ARHGEF10L: variants seen among roughly 807,000 people sequenced by gnomAD.
ARHGEF10L encodes the protein Rho guanine nucleotide exchange factor 10 like.
Under a neutral mutation model 141.2 loss-of-function variants are expected in ARHGEF10L, and 69 were observed. The ratio of observed to expected loss-of-function variants is 0.49; its 90% confidence interval spans 0.40 to 0.60. The LOEUF is 0.60. Among genes scored for constraint, ARHGEF10L ranks in the 20% least tolerant of loss-of-function variants. The pLI, the probability that ARHGEF10L is intolerant of heterozygous loss-of-function variation, is 0.00. For missense variants in ARHGEF10L, 1,482 were observed against 1,734.3 expected (o/e 0.85, Z 2.58); for synonymous variants, 711 against 718.5 (o/e 0.99, Z 0.17).
chr1:17,581,919 C>T (rs2078605522), intron 2 of ARHGEF10L, among the ~76,000 whole-genome samples: 1 of 152,056 alleles, frequency 6.6e-6, no homozygotes, highest in Non-Finnish European at 1.5e-5. Context: ...GACCTGTCTT[C>T]CCTGTGGCAA....
At chr1:17,538,325 G>A (rs528925286), upstream of ARHGEF10L, among the ~76,000 whole-genome samples, 5 of 152,312 alleles carry the variant, frequency 3.3e-5, no homozygotes, top group East Asian at 7.7e-4. Context: ...CAGGGCAGGG[G>A]CCGTGCCTGT....
At chr1:17,523,318 G>A in the ARHGEF10L span, among the ~76,000 whole-genome samples, 1 of 151,896 alleles carries the variant, frequency 6.6e-6, no homozygotes, top group Non-Finnish European at 1.5e-5. Context: ...CGAACTCCTG[G>A]CCTCAAGTAA....
rs557950810 is a variant in ARHGEF10L at position 17,568,447 on chromosome 1, C to T, written c.-43-12106C>T. On this transcript the variant is annotated intron_variant, in intron 1 of 28. Coordinates refer to ENST00000361221, the MANE Select transcript of ARHGEF10L (RefSeq NM_018125.4). The stretch of plus-strand genomic sequence containing the variant: ...CACAGAGCTCAGTCTCCTAAAAATC[C>T]CTACCCAGGGCATGATGGTGACATG... Among the ~76,000 whole-genome samples the T allele has an allele frequency of 2.8e-4, 43 of 152,284 alleles. No individual in the cohort carries two copies. The South Asian group carries it at 8.3e-3, about 29-fold the overall frequency.
chr1:17,690,521 G>A (rs1161685843), intron 27 of ARHGEF10L, among the ~76,000 whole-genome samples: 1 of 152,356 alleles, frequency 6.6e-6, no homozygotes, highest in East Asian at 1.9e-4. Context: ...GACCCTCCAG[G>A]TCAGTGTGCC....
At position 17,639,763 on chromosome 1, in the gene ARHGEF10L, A is replaced by ATT; in HGVS notation, c.2172-437_2172-436dup. On this transcript the variant is annotated intron_variant, in intron 20 of 28. Transcript: ENST00000361221. This position sits in a 1 kb window ranked among gnomAD's most constrained non-coding sequence, Gnocchi z 4.3. ...TCATTCCTGTGTCCACTCAGCAAAC[A>ATT]TTTACTGAGCAACTGTCCCATGCCA... The ATT allele has an allele frequency of 1.0e-6, 1 of 1,003,006 alleles. No homozygotes were observed. Among genetic ancestry groups the ATT allele is most frequent in the Non-Finnish European group, 1.4e-6 (1 of 726,104 alleles). 62.1% of individuals were successfully genotyped at this position (1,003,006 alleles called of 1,614,324 possible).
chr1:17,528,328 C>A, the ARHGEF10L span, among the ~76,000 whole-genome samples: 4 of 152,088 alleles, frequency 2.6e-5, no homozygotes, highest in Non-Finnish European at 5.9e-5. Flanking sequence ...GATCCTCCCA[C>A]TTTAGCCTCC....
intron 25 of ARHGEF10L, among the ~76,000 whole-genome samples, chr1:17,658,483 C>T (rs907485006): frequency 6.6e-6 from 1 of 152,104 alleles, no homozygotes; most frequent in Non-Finnish European, 1.5e-5. Context: ...GAACCTGCAC[C>T]CAGTACCCTG....
Position 17,619,452 on chromosome 1 carries a change from G to T in ARHGEF10L, c.942+7G>T. On this transcript the variant is annotated splice_region_variant and intron_variant, in intron 10 of 28. Coordinates refer to ENST00000361221, the MANE Select transcript of ARHGEF10L (RefSeq NM_018125.4). The surrounding 1 kb of genome is among the most constrained non-coding windows in gnomAD (Gnocchi z 5.0). ...GGGCCTGAGCCCTCAGCAGGTCTGTGGGGGAGTGGGGCAGGTGGGGGTCTG... is the reference window on the plus strand; with the variant it reads ...GGGCCTGAGCCCTCAGCAGGTCTGTTGGGGAGTGGGGCAGGTGGGGGTCTG... 1 of 1,592,064 alleles carries T rather than the reference G, an allele frequency of 6.3e-7. No individual in the cohort carries two copies.
Position 17,642,614 on chromosome 1 carries a change from G to A in ARHGEF10L, c.2272+2312G>A, listed in dbSNP as rs1324808824. ...TGCCTGTGGAGGAACCTGGACCAGA[G>A]GCTTCTACTCAGCCCATCCCTTCTT... On this transcript the variant is annotated intron_variant, in intron 21 of 28. Transcript: ENST00000361221. Among the ~76,000 whole-genome samples, 12 of 152,308 alleles carry A rather than the reference G, an allele frequency of 7.9e-5. No homozygotes were observed. The East Asian group carries it at 2.1e-3, about 27-fold the overall frequency.
chr1:17,580,233 G>A (rs2078429163), intron 1 of ARHGEF10L, among the ~76,000 whole-genome samples: 1 of 152,226 alleles, frequency 6.6e-6, no homozygotes, highest in Non-Finnish European at 1.5e-5. Context: ...CATGATCCTG[G>A]ACTCTGGGGC....
At chr1:17,647,248 G>A (rs1430300647) in intron 21 of ARHGEF10L, among the ~76,000 whole-genome samples, 1 of 152,194 alleles carries the variant, frequency 6.6e-6, no homozygotes, top group Non-Finnish European at 1.5e-5. Context: ...CCTAGCCATG[G>A]CTGTGGCCTG....
chr1:17,559,157 G>T (rs919851455), intron 1 of ARHGEF10L, among the ~76,000 whole-genome samples: 1 of 152,186 alleles, frequency 6.6e-6, no homozygotes, highest in South Asian at 2.1e-4. Flanking sequence ...GTGTCCTGGG[G>T]CAAGTGTCTC....
rs527650745 is a variant in ARHGEF10L, at chr1:17,623,781, A to T, written c.1200+606A>T. On this transcript the variant is annotated intron_variant, in intron 12 of 28. Coordinates refer to ENST00000361221, the MANE Select transcript of ARHGEF10L (RefSeq NM_018125.4). The surrounding 1 kb of genome is among the most constrained non-coding windows in gnomAD (Gnocchi z 4.7). ...GGGAAGGTCAAGTTGGTAGCACTCT[A>T]CTTTGATGTGTTTTAGGTAACTAGG... Among the ~76,000 whole-genome samples, 1 of 152,168 alleles carries T rather than the reference A, an allele frequency of 6.6e-6. No individual in the cohort carries two copies. The highest frequency in any genetic ancestry group is 2.4e-5 in the African/African-American group (1 of 41,440).
rs779695249 is a variant in ARHGEF10L, at chr1:17,697,118, C to T, written c.3578C>T (p.Pro1193Leu). Residue 1193 changes from proline (P) to leucine (L), a missense_variant, in exon 29 of 29, where the codon CCG becomes CTG. Around this residue, in one of 3 missense-constraint regions of ARHGEF10L, gnomAD observed 858 missense variants for 966.3 expected, o/e 0.89. Coordinates refer to ENST00000361221, the MANE Select transcript of ARHGEF10L (RefSeq NM_018125.4). The surrounding 1 kb of genome is among the most constrained non-coding windows in gnomAD (Gnocchi z 4.8). ...GGCCCGCTGCTCTCCATGCGGGAGC[C>T]GGCGCCTGCTGATGGCGCAGCTTTG... ...LPGPLLSMRE[P>L]APADGAALEH... is the part of the protein sequence containing the mutation. The T allele has an allele frequency of 3.2e-5, 51 of 1,610,036 alleles. 1 individual carries two copies. The South Asian group carries it at 3.6e-4, about 11-fold the overall frequency.
chr1:17,520,319 CG>C, the ARHGEF10L span, among the ~76,000 whole-genome samples: 1 of 152,158 alleles, frequency 6.6e-6, no homozygotes, highest in East Asian at 1.9e-4. Flanking sequence ...GGGCCCAGCC[CG>C]GGGAGCCAGC....
chr1:17,687,349 C>G (rs1333112791), intron 26 of ARHGEF10L, among the ~76,000 whole-genome samples: 2 of 152,210 alleles, frequency 1.3e-5, no homozygotes, highest in Non-Finnish European at 2.9e-5. Context: ...CGCTGCAAAC[C>G]AGGATTCCCT....
Position 17,689,456 on chromosome 1 carries a change from T to TCC in ARHGEF10L, c.3184+1710_3184+1711insCC, listed in dbSNP as rs1436386418. Among the ~76,000 whole-genome samples the TCC allele has an allele frequency of 1.1e-4, 15 of 130,440 alleles. 1 individual carries two copies. The highest frequency in any genetic ancestry group is 3.6e-3 in the Middle Eastern group (1 of 274). 85.6% of individuals were successfully genotyped at this position (130,440 alleles called of 152,430 possible). The stretch of plus-strand genomic sequence containing the variant: ...TGTGTTTGGGTTGCCTCCTTCCCCC[T>TCC]CTCTCCCTCCCTCCCTGCCTCCTTC... On this transcript the variant is annotated intron_variant, in intron 27 of 28. Transcript: ENST00000361221.
chr1:17,675,340 G>T (rs896348803), intron 26 of ARHGEF10L, among the ~76,000 whole-genome samples: 1 of 152,210 alleles, frequency 6.6e-6, no homozygotes, highest in Admixed American at 6.5e-5. Flanking sequence ...TCACCAAGGG[G>T]AACTTAGAGT....
chr1:17,663,572 A>G (rs976532079), intron 25 of ARHGEF10L, among the ~76,000 whole-genome samples: 1 of 149,010 alleles, frequency 6.7e-6, no homozygotes, highest in African/African-American at 2.5e-5. Context: ...AAAAAAAAAC[A>G]AAAAAAAACC....
Sources: allele counts gnomAD v4.1 joint callset (sites outside exome capture counted in the v4.1 genomes callset), GRCh38; gene constraint gnomAD v4.1.1; regional missense constraint gnomAD v4.1.1; non-coding constraint Gnocchi (gnomAD v3.1); transcripts MANE v1.5; gene names NCBI Gene and HGNC (gene_info 2026-07-23, HGNC 2026-07-21).